Variants in TRPM2 observed in about 807,000 individuals in gnomAD.
TRPM2 encodes the protein estrogen-responsive element-associated gene 1 protein.
A neutral mutation model predicts 174.0 loss-of-function variants in TRPM2; 161 were observed. That is an observed-to-expected ratio of 0.93 (90% CI 0.81 to 1.05). The LOEUF (loss-of-function observed/expected upper bound fraction) is 1.05. TRPM2 is among the 50% of genes least tolerant of loss of function. The pLI is 0.00. For synonymous variants in TRPM2, 954 were observed against 861.3 expected, an observed-to-expected ratio of 1.11 and a Z score of -1.88; for missense variants, 2,057 against 2,038.0, an observed-to-expected ratio of 1.01 and a Z score of -0.18.
Position 44,390,932 on chromosome 21 carries a change from C to T in TRPM2, c.1347C>T (p.His449=), listed in dbSNP as rs762962869. 1.2e-5 allele frequency: 20 copies of T among 1,613,938 alleles called. No individual in the cohort carries two copies. The highest frequency in any genetic ancestry group is 8.0e-5 in the African/African-American group (6 of 74,906). Residue 449 remains histidine (H), a synonymous_variant, in exon 10 of 32, where the codon CAC becomes CAT. Coordinates refer to ENST00000397928, the MANE Select transcript of TRPM2 (RefSeq NM_003307.4). ...KASRSQDHFG[H]ENWDHQLKLA... ...CACGGAGCCAAGACCACTTTGGCCA[C>T]GAGAACTGGGACCACCAGCTGAAAC...
chr21:44,366,790 A>T lies in TRPM2; in HGVS notation c.460A>T (p.Ile154Phe). 2 of 1,613,238 alleles carry T rather than the reference A, an allele frequency of 1.2e-6. No homozygotes were observed. Among genetic ancestry groups the T allele is most frequent in the South Asian group, 1.1e-5 (1 of 91,054 alleles). Residue 154 changes from isoleucine to phenylalanine, a missense_variant, in exon 4 of 32, where the codon ATC becomes TTC. By Grantham distance (21) the Ile-to-Phe change is conservative (BLOSUM62 0). Coordinates refer to ENST00000397928, the MANE Select transcript of TRPM2 (RefSeq NM_003307.4). The surrounding 1 kb of genome is among the most constrained non-coding windows in gnomAD (Gnocchi z 6.0). ...CTCCCAGGACACGCCCTCCAGCGTG[A>T]TCTACCACCTCATGACCCAGCACTG... is the stretch of plus-strand genomic sequence containing the variant. The part of the protein sequence containing the change: ...RVSQDTPSSV[I>F]YHLMTQHWGL...
In TRPM2 at chr21:44,442,135, C is replaced by T. The variant is rs1416595434; in HGVS notation, c.*318C>T. ...GCCCTTGGCCAGAGTCCACTCCCTT[C>T]CTGGCTGTGTCACCCCGAGCAGCTC... On this transcript the variant is annotated 3_prime_UTR_variant, in exon 32 of 32. Transcript: ENST00000397928. The T allele has an allele frequency of 7.3e-6, 2 of 273,676 alleles. No individual in the cohort carries two copies. Among genetic ancestry groups the T allele is most frequent in the African/African-American group, 4.4e-5 (2 of 45,662 alleles). The allele number at this position is 273,676 out of a possible 1,614,324, so 17.0% of individuals were successfully genotyped here.
intron 25 of TRPM2, among the ~76,000 whole-genome samples, chr21:44,426,116 C>A (rs890085807): frequency 6.6e-6 from 1 of 152,136 alleles, no homozygotes; most frequent in Non-Finnish European, 1.5e-5. Context: ...GGGCCCAGCC[C>A]CCCGGCCCCA....
At chr21:44,441,335 G>T (rs1208996963) in intron 31 of TRPM2, among the ~76,000 whole-genome samples, 1 of 152,202 alleles carries the variant, frequency 6.6e-6, no homozygotes, top group Non-Finnish European at 1.5e-5. Flanking sequence ...GGCCCCCTCA[G>T]CCCCCGGCTG....
At chr21:44,406,551 C>G (rs1785454) in intron 18 of TRPM2, 43 bp from the exon 19 acceptor site, 1 of 1,572,902 alleles carries the variant, frequency 6.4e-7, no homozygotes, top group Non-Finnish European at 8.6e-7. Context: ...CAGTGAGCAT[C>G]GGGGGCCAGG....
chr21:44,399,602 T>C lies in TRPM2; in HGVS notation c.2208+161T>C, dbSNP rs557274305. ...CCCCTCGGCCACCTGCTCCAGGCTC[T>C]GGCCTCCCATTTTGCAGATGGGGGG... is the stretch of plus-strand genomic sequence containing the variant. On this transcript the variant is annotated intron_variant, in intron 14 of 31. Transcript: ENST00000397928. The surrounding 1 kb of genome is among the most constrained non-coding windows in gnomAD (Gnocchi z 4.6). Among the ~76,000 whole-genome samples the C allele has an allele frequency of 4.6e-5, 7 of 152,304 alleles. No individual in the cohort carries two copies. In the South Asian group the frequency reaches 8.3e-4, roughly 18 times the overall value.
chr21:44,401,750 G>T lies in TRPM2; in HGVS notation c.2391G>T (p.Val797=), dbSNP rs138123577. ...RARAFFTAPV[V]VFHLNILSYF... ...GTGCCTTCTTCACCGCACCCGTGGT[G>T]GTCTTCCACCTGAACATCCTCTCCT... The change falls in exon 16 of 32, where the codon GTG becomes GTT. Residue 797 remains valine, a synonymous_variant. Transcript: ENST00000397928. The T allele has an allele frequency of 8.1e-4, 1,306 of 1,613,620 alleles. 5 individuals are homozygous for T. The highest frequency in any genetic ancestry group is 9.7e-4 in the South Asian group (88 of 91,088).
intron 19 of TRPM2, among the ~76,000 whole-genome samples, chr21:44,411,759 A>C (rs898666022): frequency 6.6e-6 from 1 of 152,216 alleles, no homozygotes; most frequent in Non-Finnish European, 1.5e-5. Context: ...ATCAGGTTGA[A>C]GAAGTTCCCT....
In TRPM2 at chr21:44,353,733, G is replaced by A. The variant is rs775396387; in HGVS notation, c.33G>A (p.Ser11=). The part of the protein sequence containing the change: MEPSALRKAG[S]EQEEGFEGLP... ...CCTCAGCCCTGAGGAAAGCTGGCTC[G>A]GAGCAGGAGGAGGGCTTTGAGGGGC... The change falls in exon 1 of 32, where the codon TCG becomes TCA. Residue 11 remains serine, a synonymous_variant. Coordinates refer to ENST00000397928, the MANE Select transcript of TRPM2 (RefSeq NM_003307.4). The A allele has an allele frequency of 1.4e-5, 22 of 1,568,798 alleles. No homozygotes were observed. The highest frequency in any genetic ancestry group is 1.0e-4 in the Admixed American group (5 of 50,110).
At chr21:44,378,197 T>C (rs533598724) in intron 7 of TRPM2, among the ~76,000 whole-genome samples, 46 of 152,360 alleles carry the variant, frequency 3.0e-4, no homozygotes, top group African/African-American at 1.1e-3. Context: ...GCTGTGTGAC[T>C]GCAGATTTGG....
intron 19 of TRPM2, among the ~76,000 whole-genome samples, chr21:44,410,847 T>G (rs2050084342): frequency 8.7e-6 from 1 of 115,114 alleles, no homozygotes; most frequent in East Asian, 2.9e-4. Context: ...TTGTAGTAAG[T>G]TTTGACCGCA....
chr21:44,399,437 TC>T lies in TRPM2; in HGVS notation c.2206del (p.Gln736ArgfsTer4). On this transcript the variant is annotated frameshift_variant, in exon 14 of 32. Transcript: ENST00000397928. LOFTEE classifies it high-confidence loss of function. This position sits in a 1 kb window ranked among gnomAD's most constrained non-coding sequence, Gnocchi z 4.6. Reference protein sequence around the residue: ...KDMKFVSHGGIQAFLTKVWWG... With the variant: ...KDMKFVSHGGXQAFLTKVWWG... Reference sequence around the variant, plus strand: ...ATGAAGTTTGTGTCTCACGGGGGCATCCAGGTGACCTCCCAAGAGCCCCTTC... The same window carrying T: ...ATGAAGTTTGTGTCTCACGGGGGCATCAGGTGACCTCCCAAGAGCCCCTTC... The T allele has an allele frequency of 6.2e-7, 1 of 1,610,966 alleles. No individual in the cohort carries two copies. The highest frequency in any genetic ancestry group is 1.1e-5 in the South Asian group (1 of 90,906).
In TRPM2 at chr21:44,425,740, C is replaced by T. The variant is rs1441786508; in HGVS notation, c.3708C>T (p.Asp1236=). 2 of 1,590,928 alleles carry T rather than the reference C, an allele frequency of 1.3e-6. No homozygotes were observed. The highest frequency in any genetic ancestry group is 2.3e-5 in the East Asian group (1 of 44,052). Residue 1236 remains aspartate, a synonymous_variant, in exon 25 of 32, where the codon GAC becomes GAT. Coordinates refer to ENST00000397928, the MANE Select transcript of TRPM2 (RefSeq NM_003307.4). ...GGAAGAAGACGGAGGAGCCGGGCGA[C>T]AGCTACCACGTGAATGCCCGGCACC... is the stretch of plus-strand genomic sequence containing the variant. The part of the protein sequence containing the change: ...GGRKKTEEPG[D]SYHVNARHLL...
upstream of TRPM2, chr21:44,353,443 C>G (rs1246452029): frequency 7.7e-6 from 3 of 387,174 alleles, no homozygotes; most frequent in East Asian, 1.5e-4. Context: ...TGTACTCCCC[C>G]AGAGTGTCCG....
chr21:44,420,076 G>T (rs1416273464), intron 22 of TRPM2, among the ~76,000 whole-genome samples: 1 of 152,106 alleles, frequency 6.6e-6, no homozygotes, highest in Non-Finnish European at 1.5e-5. Flanking sequence ...GCCCCTTCTA[G>T]CTCCCATTCT....
rs370201102 is a variant in TRPM2 at position 44,391,629 on chromosome 21, C to T, written c.1794+4C>T. 1.1e-5 allele frequency: 17 copies of T among 1,565,822 alleles called. No homozygotes were observed. In the East Asian group the frequency reaches 1.4e-4, roughly 12 times the overall value. ...CGTTCCCCACGTCAAGCTCAACGTG[C>T]GTGCTGGTAACGGGGCCCATCCTGG... On this transcript the variant is annotated splice_donor_region_variant and intron_variant, in intron 11 of 31. Coordinates refer to ENST00000397928, the MANE Select transcript of TRPM2 (RefSeq NM_003307.4). The surrounding 1 kb of genome is among the most constrained non-coding windows in gnomAD (Gnocchi z 5.0).
chr21:44,409,972 CTCACTCTCTT>C (rs2050043709), intron 19 of TRPM2, among the ~76,000 whole-genome samples: 1 of 147,554 alleles, frequency 6.8e-6, no homozygotes, highest in African/African-American at 2.6e-5. Context: ...AAGTTTTGAC[CTCACTCTCTT>C]GGTTGGCGTA....
chr21:44,357,875 C>T (rs2048103539), intron 2 of TRPM2, among the ~76,000 whole-genome samples: 1 of 152,204 alleles, frequency 6.6e-6, no homozygotes, highest in Non-Finnish European at 1.5e-5. Flanking sequence ...CCGCTCTCAT[C>T]TCACCAACCA....
At position 44,406,859 on chromosome 21, in the gene TRPM2, C is replaced by T. The variant is rs977181626; in HGVS notation, c.2962+94C>T. On this transcript the variant is annotated intron_variant, in intron 19 of 31. Transcript: ENST00000397928. ...CGCATGAGTGGGAGTGAGGCCGGCT[C>T]CATCAGGGGGTCCTGCGGTTCCCAC... is the stretch of plus-strand genomic sequence containing the variant. 6 of 1,472,256 alleles carry T rather than the reference C, an allele frequency of 4.1e-6. No homozygotes were observed. The East Asian group carries it at 1.2e-4, about 30-fold the overall frequency. The allele number at this position is 1,472,256 out of a possible 1,614,324, so 91.2% of individuals were successfully genotyped here. A position where few individuals can be genotyped will look rare whatever the true frequency, so the allele number is the denominator to read the frequency against.
Sources: allele counts gnomAD v4.1 joint callset (sites outside exome capture counted in the v4.1 genomes callset), GRCh38; gene constraint gnomAD v4.1.1; non-coding constraint Gnocchi (gnomAD v3.1); transcripts MANE v1.5; gene names NCBI Gene and HGNC (gene_info 2026-07-23, HGNC 2026-07-21).